BRINP3: variants seen among roughly 807,000 people sequenced by gnomAD.
The protein encoded by BRINP3 is BMP/retinoic acid-inducible neural-specific protein 3.
In BRINP3, 19 loss-of-function variants were observed where a neutral mutation model predicts 71.0. The ratio of observed to expected loss-of-function variants is 0.27; its 90% CI spans 0.19 to 0.39. The LOEUF is 0.39. Among genes scored for constraint, BRINP3 ranks in the 10% least tolerant of loss-of-function variants. The pLI, the probability that BRINP3 is intolerant of heterozygous loss-of-function variation, is 1.00. For missense variants in BRINP3, 959 were observed against 940.8 expected (o/e 1.02, Z -0.25); for synonymous variants, 380 against 337.7 (o/e 1.13, Z -1.37).
At chr1:190,110,040 C>A (rs138915779) in intron 7 of BRINP3, among the ~76,000 whole-genome samples, 1,864 of 152,276 alleles carry the variant, frequency 0.012, 19 homozygotes, top group Non-Finnish European at 0.019. Context: ...TATATCTATT[C>A]TATTGGCTCT....
intron 4 of BRINP3, among the ~76,000 whole-genome samples, chr1:190,247,411 C>T (rs1659710061): frequency 6.6e-6 from 1 of 151,952 alleles, no homozygotes; most frequent in African/African-American, 2.4e-5. Flanking sequence ...GCCAGTATTC[C>T]TAGCTATCAG....
At chr1:190,345,154 A>G (rs1667929571) in intron 2 of BRINP3, among the ~76,000 whole-genome samples, 1 of 151,858 alleles carries the variant, frequency 6.6e-6, no homozygotes, top group Non-Finnish European at 1.5e-5. Flanking sequence ...AGTTGTAAAC[A>G]TTGAGACTCA....
At chr1:190,192,916 T>C (rs1287750996) in intron 6 of BRINP3, among the ~76,000 whole-genome samples, 1 of 152,158 alleles carries the variant, frequency 6.6e-6, no homozygotes, top group Non-Finnish European at 1.5e-5. Flanking sequence ...TGTTGTTTTA[T>C]GTTTTGCTTA....
chr1:190,215,164 T>G (rs1235626138), intron 6 of BRINP3, among the ~76,000 whole-genome samples: 1 of 151,512 alleles, frequency 6.6e-6, no homozygotes, highest in Non-Finnish European at 1.5e-5. Flanking sequence ...TTTCTAGGCC[T>G]CATTGACCTG....
chr1:190,114,095 TG>T, intron 7 of BRINP3, among the ~76,000 whole-genome samples: 1 of 152,248 alleles, frequency 6.6e-6, no homozygotes, highest in Non-Finnish European at 1.5e-5. Context: ...GATCAGATCA[TG>T]GGGGCAGAGT....
chr1:190,422,659 T>C (rs1011512421), intron 2 of BRINP3, among the ~76,000 whole-genome samples: 1 of 151,554 alleles, frequency 6.6e-6, no homozygotes, highest in Admixed American at 6.6e-5. Flanking sequence ...TACTGGTTTA[T>C]CACAAAAGGC....
intron 7 of BRINP3, among the ~76,000 whole-genome samples, chr1:190,133,703 C>T (rs755825054): frequency 6.6e-6 from 1 of 152,016 alleles, no homozygotes; most frequent in Admixed American, 6.6e-5. Flanking sequence ...AATATGCATA[C>T]TTGTACATCA....
Position 190,126,613 on chromosome 1 carries a change from C to T in BRINP3, c.1185-27479G>A, listed in dbSNP as rs191931936. ...GTGTCTTTGCATTTGATATTTATTT[C>T]TTTTCCTCAGATCTACATTGGCCAG... is the stretch of plus-strand genomic sequence containing the variant. On this transcript the variant is annotated intron_variant, in intron 7 of 7. Transcript: ENST00000367462. Among the ~76,000 whole-genome samples, 197 of 151,974 alleles carry T rather than the reference C, an allele frequency of 1.3e-3. 1 individual carries two copies. Among genetic ancestry groups the T allele is most frequent in the African/African-American group, 4.6e-3 (192 of 41,498 alleles).
At chr1:190,424,098 T>C (rs1162438128) in intron 2 of BRINP3, among the ~76,000 whole-genome samples, 9 of 151,830 alleles carry the variant, frequency 5.9e-5, no homozygotes, top group African/African-American at 2.2e-4. Context: ...CAAAAATATA[T>C]ATAGTCAAAA....
At chr1:190,208,734 A>T (rs547954200) in intron 6 of BRINP3, among the ~76,000 whole-genome samples, 6 of 152,116 alleles carry the variant, frequency 3.9e-5, no homozygotes, top group African/African-American at 1.4e-4. Flanking sequence ...GACTCAATTG[A>T]TCTGACCGCC....
intron 2 of BRINP3, among the ~76,000 whole-genome samples, chr1:190,425,690 G>A (rs972702645): frequency 5.3e-5 from 8 of 151,748 alleles, no homozygotes; most frequent in Non-Finnish European, 8.9e-5. Flanking sequence ...AATGAAAAGA[G>A]GCTTAGCCAC....
chr1:190,418,886 C>T (rs948003052), intron 2 of BRINP3, among the ~76,000 whole-genome samples: 9 of 151,998 alleles, frequency 5.9e-5, no homozygotes, highest in African/African-American at 1.7e-4. Context: ...AACTAATGTA[C>T]GATGGATTTT....
intron 2 of BRINP3, among the ~76,000 whole-genome samples, chr1:190,399,346 A>G (rs1671782198): frequency 6.6e-6 from 1 of 152,158 alleles, no homozygotes; most frequent in Admixed American, 6.5e-5. Context: ...TTACTAAAGT[A>G]GCTGACTAAA....
intron 2 of BRINP3, among the ~76,000 whole-genome samples, chr1:190,397,083 C>T (rs1289222622): frequency 4.0e-5 from 6 of 151,816 alleles, no homozygotes; most frequent in African/African-American, 1.5e-4. Context: ...TTAATTGGTC[C>T]TGTGACTACC....
intron 7 of BRINP3, among the ~76,000 whole-genome samples, chr1:190,110,716 C>T (rs1466284676): frequency 2.6e-5 from 4 of 152,074 alleles, no homozygotes; most frequent in South Asian, 2.1e-4. Flanking sequence ...CAACTCACCT[C>T]AGCTGATGTT....
At chr1:190,412,666 T>G (rs1672767391) in intron 2 of BRINP3, among the ~76,000 whole-genome samples, 1 of 150,802 alleles carries the variant, frequency 6.6e-6, no homozygotes, top group Non-Finnish European at 1.5e-5. Flanking sequence ...GTTTCACCGT[T>G]TTAGCCGGGA....
At chr1:190,430,527 T>TA (rs1426998231) in intron 2 of BRINP3, among the ~76,000 whole-genome samples, 7 of 152,112 alleles carry the variant, frequency 4.6e-5, no homozygotes, top group Admixed American at 1.3e-4. Context: ...AGCCAGATGG[T>TA]AAAGTTCAGA....
At chr1:190,457,898 A>T (rs1391518580) in intron 1 of BRINP3, among the ~76,000 whole-genome samples, 1 of 151,456 alleles carries the variant, frequency 6.6e-6, no homozygotes, top group East Asian at 1.9e-4. Context: ...AGCTTGTTTC[A>T]TAGTCTTCAT....
chr1:190,206,175 C>T (rs534591074), intron 6 of BRINP3, among the ~76,000 whole-genome samples: 50 of 151,924 alleles, frequency 3.3e-4, no homozygotes, highest in Non-Finnish European at 6.5e-4. Flanking sequence ...AATGTAACAA[C>T]ACAGACTTCA....
Sources: allele counts gnomAD v4.1 joint callset (sites outside exome capture counted in the v4.1 genomes callset), GRCh38; gene constraint gnomAD v4.1.1; transcripts MANE v1.5; gene names NCBI Gene and HGNC (gene_info 2026-07-23, HGNC 2026-07-21).